Variants in RASSF6 observed in about 807,000 individuals in gnomAD.
The protein encoded by RASSF6 is ras association domain-containing protein 6.
A neutral mutation model predicts 44.0 loss-of-function variants in RASSF6; 52 were observed. That is an observed-to-expected ratio of 1.18 (90% CI 0.95 to 1.49). RASSF6 has a LOEUF of 1.49. RASSF6 is among the 40% of genes most tolerant of loss of function. The pLI is 0.00. For synonymous variants in RASSF6, 162 were observed against 124.6 expected (o/e 1.30, Z -2.00); for missense variants, 464 against 393.3 (o/e 1.18, Z -1.52).
Position 73,573,748 on chromosome 4 carries a change from G to T in RASSF6, c.*2487C>A, listed in dbSNP as rs1263830114. 1 of 151,988 alleles carries T rather than the reference G, an allele frequency of 6.6e-6. No homozygotes were observed. The highest frequency in any genetic ancestry group is 2.4e-5 in the African/African-American group (1 of 41,380). The allele number at this position is 151,988 out of a possible 1,614,324, so 9.4% of individuals were successfully genotyped here. ...TGTATTTATTTATTTATTTTACTTTGTACTTCGGTGGCATGTCAGTTATTA... is the reference window on the plus strand; with the variant it reads ...TGTATTTATTTATTTATTTTACTTTTTACTTCGGTGGCATGTCAGTTATTA... On this transcript the variant is annotated 3_prime_UTR_variant, in exon 11 of 11. Coordinates refer to ENST00000307439, the MANE Select transcript of RASSF6 (RefSeq NM_177532.5).
rs1372547973 is a variant in RASSF6, at chr4:73,613,452, G to T, written c.-34-1623C>A. ...CTCCAGCTTCTCAAACTTGAGTTTT[G>T]CCCCTGGATTTTGTCATTCTAATAA... On this transcript the variant is annotated intron_variant, in intron 1 of 10. Coordinates refer to ENST00000307439, the MANE Select transcript of RASSF6 (RefSeq NM_177532.5). Among the ~76,000 whole-genome samples the T allele has an allele frequency of 2.6e-5, 4 of 152,226 alleles. No homozygotes were observed. In the South Asian group the frequency reaches 8.3e-4, roughly 32 times the overall value.
chr4:73,602,138 T>G (rs560845335), intron 2 of RASSF6, among the ~76,000 whole-genome samples: 1 of 152,366 alleles, frequency 6.6e-6, no homozygotes, highest in South Asian at 2.1e-4. Context: ...ATGCAACATG[T>G]AAAATGGGGA....
rs767896114 is a variant in RASSF6 at position 73,587,901 on chromosome 4, A to G, written c.321T>C (p.Tyr107=). Residue 107 remains tyrosine (Y), a synonymous_variant, in exon 5 of 11, where the codon TAT becomes TAC. Coordinates refer to ENST00000307439, the MANE Select transcript of RASSF6 (RefSeq NM_177532.5). ...GGGTCCTGTCCAGCTCACTAATACG[A>G]TAGAGATCGTCAAATTCCCCCCAGC... ...MTRWGEFDDL[Y]RISELDRTQI... 1.9e-6 allele frequency: 3 copies of G among 1,610,238 alleles called. No individual in the cohort carries two copies. Among genetic ancestry groups the G allele is most frequent in the Non-Finnish European group, 2.5e-6 (3 of 1,177,292 alleles).
chr4:73,588,971 G>A (rs1724321174), intron 4 of RASSF6, among the ~76,000 whole-genome samples: 1 of 151,930 alleles, frequency 6.6e-6, no homozygotes, highest in South Asian at 2.1e-4. Flanking sequence ...TCACTTATAG[G>A]GAATTTATGG....
chr4:73,615,807 C>G, intron 1 of RASSF6: 1 of 1,105,964 alleles, frequency 9.0e-7, no homozygotes, highest in Non-Finnish European at 1.3e-6. Flanking sequence ...TGTTGGGCAG[C>G]ATTAGCGTTC....
At chr4:73,600,693 T>C (rs928413211) in intron 2 of RASSF6, among the ~76,000 whole-genome samples, 1 of 147,182 alleles carries the variant, frequency 6.8e-6, no homozygotes, top group Non-Finnish European at 1.5e-5. Context: ...AAGGTGTACG[T>C]TTCCAAGGAT....
Position 73,585,336 on chromosome 4 carries a change from C to T in RASSF6, c.411G>A (p.Leu137=). ...CTGGTTCATCCTTTGCATGTGGCTTCAGGGTGTTGCTGTGATAAGATAAAT... is the reference window on the plus strand; with the variant it reads ...CTGGTTCATCCTTTGCATGTGGCTTTAGGGTGTTGCTGTGATAAGATAAAT... The part of the protein sequence containing the change: ...EDYLSYHSNT[L]KPHAKDEPDS... The change falls in exon 6 of 11, where the codon CTG becomes CTA. Residue 137 remains leucine, a synonymous_variant. Coordinates refer to ENST00000307439, the MANE Select transcript of RASSF6 (RefSeq NM_177532.5). The T allele has an allele frequency of 6.2e-7, 1 of 1,602,894 alleles. No individual in the cohort carries two copies. Among genetic ancestry groups the T allele is most frequent in the Non-Finnish European group, 8.5e-7 (1 of 1,175,524 alleles).
chr4:73,581,705 C>T (rs920252158), intron 8 of RASSF6, 112 bp downstream of exon 8: 2 of 638,810 alleles, frequency 3.1e-6, no homozygotes, highest in Non-Finnish European at 2.8e-6. Flanking sequence ...TTTCTCCTAC[C>T]CATTCCTCCC....
At chr4:73,584,849 G>A (rs1729700) in intron 6 of RASSF6, among the ~76,000 whole-genome samples, 6,757 of 152,102 alleles carry the variant, frequency 0.044, 253 homozygotes, top group African/African-American at 0.1. Context: ...GTCAGACAAA[G>A]CTGGGTTCAG....
intron 4 of RASSF6, among the ~76,000 whole-genome samples, chr4:73,588,782 TGTCATC>T (rs1560446401): frequency 3.5e-5 from 1 of 28,326 alleles, no homozygotes; most frequent in African/African-American, 8.9e-5. Context: ...TCATCTCCAT[TGTCATC>T]ATCATCATCA....
rs1027396265 is a variant in RASSF6 at position 73,574,614 on chromosome 4, T to C, written c.*1621A>G. ...TTCTCCTATCATAGCTTAATTATTA[T>C]TTATATTAAACTTTCCCTGTTTAAA... On this transcript the variant is annotated 3_prime_UTR_variant, in exon 11 of 11. Transcript: ENST00000307439. 2.0e-5 allele frequency: 3 copies of C among 152,232 alleles called. No homozygotes were observed. The highest frequency in any genetic ancestry group is 2.9e-5 in the Non-Finnish European group (2 of 68,036). 9.4% of individuals were successfully genotyped at this position (152,232 alleles called of 1,614,324 possible).
chr4:73,601,040 T>C (rs937857423), intron 2 of RASSF6, among the ~76,000 whole-genome samples: 1 of 152,240 alleles, frequency 6.6e-6, no homozygotes, highest in African/African-American at 2.4e-5. Flanking sequence ...AGAGTTGTTA[T>C]GAAAGCAAAT....
Position 73,572,569 on chromosome 4 carries a change from T to TC in RASSF6, c.*3665dup, listed in dbSNP as rs1722974804. 6.6e-6 allele frequency: 1 copy of TC among 152,172 alleles called. No homozygotes were observed. Among genetic ancestry groups the TC allele is most frequent in the Non-Finnish European group, 1.5e-5 (1 of 68,028 alleles). 9.4% of individuals were successfully genotyped at this position (152,172 alleles called of 1,614,324 possible). A position where few individuals can be genotyped will look rare whatever the true frequency, so the allele number is the denominator to read the frequency against. On this transcript the variant is annotated 3_prime_UTR_variant, in exon 11 of 11. Coordinates refer to ENST00000307439, the MANE Select transcript of RASSF6 (RefSeq NM_177532.5). ...AAATAAAAAGACGTAAGTCACTAAG[T>TC]CCAGCCCATTTTCAGGATGAGGAAG...
At chr4:73,576,952 C>T (rs1379336593) in intron 8 of RASSF6, among the ~76,000 whole-genome samples, 1 of 152,166 alleles carries the variant, frequency 6.6e-6, no homozygotes, top group Non-Finnish European at 1.5e-5. Flanking sequence ...AGAACTCAGC[C>T]TTCCTTTGAT....
Position 73,585,172 on chromosome 4 carries a change from T to A in RASSF6, c.567+8A>T, listed in dbSNP as rs2149370631. 2 of 1,570,878 alleles carry A rather than the reference T, an allele frequency of 1.3e-6. No homozygotes were observed. The highest frequency in any genetic ancestry group is 3.5e-4 in the Middle Eastern group (2 of 5,752). ...TATATTACATTAATGGAATTGTAAC[T>A]CACTTACTTCATGGTTATAGAAGTG... On this transcript the variant is annotated splice_region_variant and intron_variant, in intron 6 of 10. Coordinates refer to ENST00000307439, the MANE Select transcript of RASSF6 (RefSeq NM_177532.5).
At chr4:73,620,602 A>G (rs955095189), upstream of RASSF6, 30 of 854,278 alleles carry the variant, frequency 3.5e-5, no homozygotes, top group Non-Finnish European at 3.1e-5. Context: ...GGAAGTGTCA[A>G]GAAACCTGAG....
chr4:73,577,642 C>T lies in RASSF6; in HGVS notation c.722-911G>A, dbSNP rs189535919. Among the ~76,000 whole-genome samples, 312 of 152,248 alleles carry T rather than the reference C, an allele frequency of 2.0e-3. 1 individual carries two copies. The highest frequency in any genetic ancestry group is 6.8e-3 in the African/African-American group (282 of 41,564). ...CCTGTTCACATAGTGTCAGTGTTTACTGTTCTAATTCCTCTGCCATTTCTG... is the reference window on the plus strand; with the variant it reads ...CCTGTTCACATAGTGTCAGTGTTTATTGTTCTAATTCCTCTGCCATTTCTG... On this transcript the variant is annotated intron_variant, in intron 8 of 10. Transcript: ENST00000307439.
At chr4:73,608,578 T>G (rs2149394854) in intron 2 of RASSF6, among the ~76,000 whole-genome samples, 1 of 152,338 alleles carries the variant, frequency 6.6e-6, no homozygotes, top group African/African-American at 2.4e-5. Context: ...AATCCCCATG[T>G]GGACAAAAAT....
rs901022925 is a variant in RASSF6, at chr4:73,589,516, G to A, written c.288-1582C>T. On this transcript the variant is annotated intron_variant, in intron 4 of 10. Coordinates refer to ENST00000307439, the MANE Select transcript of RASSF6 (RefSeq NM_177532.5). ...CAAATTCTCGGTGACCCTCGCAGAC[G>A]TGACAGCTTAGTTTTGTCACACAAA... Among the ~76,000 whole-genome samples the A allele has an allele frequency of 5.9e-5, 9 of 152,116 alleles. No homozygotes were observed. The South Asian group carries it at 8.3e-4, about 14-fold the overall frequency.
Sources: gnomAD v4.1 joint callset for allele counts (sites outside exome capture counted in the v4.1 genomes callset) on GRCh38, gnomAD v4.1.1 for gene constraint, MANE v1.5 for transcripts, NCBI Gene and HGNC (gene_info 2026-07-23, HGNC 2026-07-21) for gene names.